The following SELENOF variants were observed in gnomAD, a reference collection of about 807,000 sequenced individuals.
The protein encoded by SELENOF is 15 kDa selenoprotein.
SELENOF carries 16 observed loss-of-function variants against 20.5 expected under a neutral mutation model. That is an observed-to-expected ratio of 0.78 (90% CI 0.53 to 1.19). The LOEUF is 1.19. SELENOF is among the 50% of genes most tolerant of loss of function. The pLI is 0.00. For synonymous variants in SELENOF, 78 were observed against 74.5 expected, an observed-to-expected ratio of 1.05 and a Z score of -0.24; for missense variants, 215 against 194.2, an observed-to-expected ratio of 1.11 and a Z score of -0.64.
At position 86,903,460 on chromosome 1, in the gene SELENOF, A is replaced by C. The variant is rs1210906959; in HGVS notation, c.85-12T>G. On this transcript the variant is annotated splice_polypyrimidine_tract_variant and intron_variant, in intron 1 of 4. Transcript: ENST00000331835. ...CCAAAAGCAGACACCTGAAAATAAA[A>C]AATGGGAAATAAAACACAATTCCAT... 1.3e-6 allele frequency: 2 copies of C among 1,576,928 alleles called. No individual in the cohort carries two copies. Among genetic ancestry groups the C allele is most frequent in the Non-Finnish European group, 1.7e-6 (2 of 1,162,544 alleles).
At chr1:86,914,565 C>G, upstream of SELENOF, 1 of 192,876 alleles carries the variant, frequency 5.2e-6, no homozygotes, top group South Asian at 7.7e-5. Flanking sequence ...CTTCTGGTTG[C>G]CGAGCAGCGT....
chr1:86,898,331 C>T (rs1659578759), intron 2 of SELENOF, among the ~76,000 whole-genome samples: 1 of 152,116 alleles, frequency 6.6e-6, no homozygotes, highest in Non-Finnish European at 1.5e-5. Context: ...AGCAGAATGA[C>T]AAGGGGTTTC....
chr1:86,878,066 T>C (rs998243340), intron 3 of SELENOF, among the ~76,000 whole-genome samples: 5 of 152,110 alleles, frequency 3.3e-5, no homozygotes, highest in Non-Finnish European at 7.3e-5. Flanking sequence ...CAAAATCTAC[T>C]ATGAGAAATT....
chr1:86,907,625 C>T (rs1269575779), intron 1 of SELENOF, among the ~76,000 whole-genome samples: 1 of 152,134 alleles, frequency 6.6e-6, no homozygotes, highest in Non-Finnish European at 1.5e-5. Flanking sequence ...GACAAAGATT[C>T]TAAGGACAGG....
At chr1:86,869,724 C>CTTCT (rs540105918) in intron 3 of SELENOF, among the ~76,000 whole-genome samples, 2 of 148,958 alleles carry the variant, frequency 1.3e-5, no homozygotes, top group African/African-American at 5.0e-5. Flanking sequence ...TCCTTCCTTC[C>CTTCT]TTCTTTCTTT....
intron 2 of SELENOF, among the ~76,000 whole-genome samples, chr1:86,892,893 A>G (rs1453088323): frequency 2.0e-5 from 3 of 152,226 alleles, no homozygotes; most frequent in Non-Finnish European, 4.4e-5. Context: ...CAAATGGCAA[A>G]AGGGGCCTTC....
At chr1:86,891,643 TA>T (rs1557464434) in intron 2 of SELENOF, among the ~76,000 whole-genome samples, 2 of 152,146 alleles carry the variant, frequency 1.3e-5, no homozygotes, top group Non-Finnish European at 1.5e-5. Context: ...AAAGCAGATA[TA>T]AAAAAATTTT....
Position 86,863,219 on chromosome 1 carries a change from A to T in SELENOF, c.*255T>A, listed in dbSNP as rs1040793854. 3.0e-6 allele frequency: 1 copy of T among 335,670 alleles called. No homozygotes were observed. Among genetic ancestry groups the T allele is most frequent in the Non-Finnish European group, 5.4e-6 (1 of 184,980 alleles). The allele number at this position is 335,670 out of a possible 1,614,324, so 20.8% of individuals were successfully genotyped here. Reference sequence around the variant, plus strand: ...ACTATCATTTGCATAATTAACCGCAAGTCTGTTACAAAGCATTTTGTTAGT... The same window carrying T: ...ACTATCATTTGCATAATTAACCGCATGTCTGTTACAAAGCATTTTGTTAGT... On this transcript the variant is annotated 3_prime_UTR_variant, in exon 5 of 5. Coordinates refer to ENST00000331835, the MANE Select transcript of SELENOF (RefSeq NM_004261.5).
chr1:86,865,978 C>T (rs544109), intron 4 of SELENOF, among the ~76,000 whole-genome samples: 39,291 of 151,538 alleles, frequency 0.26, 6,270 homozygotes, highest in African/African-American at 0.45. Flanking sequence ...GAGGATCGCC[C>T]GAGCCCAGGA....
chr1:86,886,437 T>C (rs1446886798), intron 2 of SELENOF, among the ~76,000 whole-genome samples: 1 of 152,054 alleles, frequency 6.6e-6, no homozygotes, highest in Non-Finnish European at 1.5e-5. Flanking sequence ...ACAGTACTTT[T>C]TTTTTTTTCC....
rs542803243 is a variant in SELENOF, at chr1:86,873,206, G to A, written c.317-5104C>T. On this transcript the variant is annotated intron_variant, in intron 3 of 4. Coordinates refer to ENST00000331835, the MANE Select transcript of SELENOF (RefSeq NM_004261.5). ...TGGGAGGCAGAGGTTGCAGTGAGCC[G>A]AGATCCCGCCACTGCACTCCAGCCT... Among the ~76,000 whole-genome samples the A allele has an allele frequency of 2.4e-4, 36 of 151,664 alleles. No individual in the cohort carries two copies. The East Asian group carries it at 5.5e-3, about 23-fold the overall frequency.
chr1:86,886,294 C>T (rs1002917441), intron 2 of SELENOF, among the ~76,000 whole-genome samples: 5 of 152,098 alleles, frequency 3.3e-5, no homozygotes, highest in African/African-American at 1.2e-4. Flanking sequence ...ATGAGGAATA[C>T]TGCCTTATAC....
intron 4 of SELENOF, among the ~76,000 whole-genome samples, chr1:86,867,569 G>A (rs1204132503): frequency 1.3e-5 from 2 of 152,032 alleles, no homozygotes; most frequent in Non-Finnish European, 2.9e-5. Flanking sequence ...GGAGAGAAAT[G>A]ACCTGAACGT....
intron 4 of SELENOF, among the ~76,000 whole-genome samples, chr1:86,867,091 C>T (rs910875711): frequency 3.9e-5 from 6 of 151,972 alleles, no homozygotes; most frequent in African/African-American, 1.2e-4. Flanking sequence ...CTGGTAATAA[C>T]GAGTAATATT....
chr1:86,873,194 T>G (rs910972736), intron 3 of SELENOF, among the ~76,000 whole-genome samples: 1 of 151,364 alleles, frequency 6.6e-6, no homozygotes, highest in African/African-American at 2.4e-5. Flanking sequence ...GAGGCAGAGG[T>G]TGCAGTGAGC....
intron 3 of SELENOF, among the ~76,000 whole-genome samples, chr1:86,875,809 A>C (rs1480250431): frequency 3.9e-5 from 6 of 152,202 alleles, no homozygotes; most frequent in Admixed American, 3.9e-4. Context: ...GCTGGAGCTA[A>C]ATTTTGAATG....
chr1:86,910,718 A>T (rs1659959288), intron 1 of SELENOF, among the ~76,000 whole-genome samples: 1 of 151,972 alleles, frequency 6.6e-6, no homozygotes, highest in East Asian at 1.9e-4. Context: ...AAAAAAAAAA[A>T]AAAGGTTTCA....
intron 4 of SELENOF, among the ~76,000 whole-genome samples, chr1:86,865,523 T>C (rs1250950709): frequency 6.6e-6 from 1 of 152,146 alleles, no homozygotes; most frequent in Non-Finnish European, 1.5e-5. Flanking sequence ...CAACAAAATG[T>C]TCAACACCAT....
chr1:86,907,390 A>C (rs1174045222), intron 1 of SELENOF, among the ~76,000 whole-genome samples: 1 of 152,208 alleles, frequency 6.6e-6, no homozygotes, highest in Non-Finnish European at 1.5e-5. Flanking sequence ...TCTTAGGTAA[A>C]CTACTTTTTT....
Sources: gnomAD v4.1 joint callset for allele counts (sites outside exome capture counted in the v4.1 genomes callset) on GRCh38, gnomAD v4.1.1 for gene constraint, MANE v1.5 for transcripts, NCBI Gene and HGNC (gene_info 2026-07-23, HGNC 2026-07-21) for gene names.